ASTN2: variants seen among roughly 807,000 people sequenced by gnomAD.
The protein encoded by ASTN2 is astrotactin-2.
In ASTN2, 54 loss-of-function variants were observed where a neutral mutation model predicts 139.8. The observed-to-expected ratio is 0.39, with a 90% confidence interval of 0.31 to 0.48. The LOEUF is 0.48. ASTN2 is among the 20% of genes least tolerant of loss of function. The pLI, the probability that ASTN2 is intolerant of heterozygous loss-of-function variation, is 0.95. For synonymous variants in ASTN2, 756 were observed against 719.5 expected, an observed-to-expected ratio of 1.05 and a Z score of -0.81; for missense variants, 1,565 against 1,725.1, an observed-to-expected ratio of 0.91 and a Z score of 1.64.
At chr9:116,855,133 G>C (rs1160703918) in intron 11 of ASTN2, among the ~76,000 whole-genome samples, 1 of 151,976 alleles carries the variant, frequency 6.6e-6, no homozygotes, top group Non-Finnish European at 1.5e-5. Flanking sequence ...AAAATAAGGG[G>C]AAAAATAGAG....
chr9:116,558,594 A>G (rs758726670), intron 19 of ASTN2, among the ~76,000 whole-genome samples: 2 of 152,096 alleles, frequency 1.3e-5, no homozygotes, highest in Non-Finnish European at 2.9e-5. Context: ...AGAGAAGTAG[A>G]CTCAAGCAGC....
intron 19 of ASTN2, among the ~76,000 whole-genome samples, chr9:116,506,222 A>G (rs1850103222): frequency 6.6e-6 from 1 of 152,132 alleles, no homozygotes; most frequent in South Asian, 2.1e-4. Context: ...AAACTCTGAG[A>G]GGCTGGCAAG....
intron 5 of ASTN2, among the ~76,000 whole-genome samples, chr9:117,067,365 T>C (rs1327388604): frequency 2.2e-5 from 3 of 134,092 alleles, no homozygotes; most frequent in Non-Finnish European, 3.3e-5. Flanking sequence ...CATTGATCTA[T>C]ATCTCTGTTT....
intron 7 of ASTN2, among the ~76,000 whole-genome samples, chr9:116,980,558 T>A (rs188263960): frequency 1.3e-5 from 2 of 152,260 alleles, no homozygotes; most frequent in Middle Eastern, 3.4e-3. Flanking sequence ...TTCTGTAAAA[T>A]GGAAGGTTGG....
intron 1 of ASTN2, among the ~76,000 whole-genome samples, chr9:117,327,238 G>C (rs1476362407): frequency 6.6e-6 from 1 of 152,104 alleles, no homozygotes; most frequent in Non-Finnish European, 1.5e-5. Flanking sequence ...TTCCCACCAG[G>C]CCATGGACTG....
intron 3 of ASTN2, chr9:117,180,812 C>T: frequency 6.5e-7 from 1 of 1,543,288 alleles, no homozygotes. Flanking sequence ...TCAAATTCAT[C>T]AACATTGAAC....
intron 1 of ASTN2, among the ~76,000 whole-genome samples, chr9:117,306,855 C>T (rs1220878704): frequency 6.6e-6 from 1 of 152,142 alleles, no homozygotes; most frequent in Admixed American, 6.5e-5. Flanking sequence ...ATAACCACCA[C>T]CCTAATTCCT....
chr9:117,285,491 G>A lies in ASTN2; in HGVS notation c.630+5835C>T, dbSNP rs899069161. On this transcript the variant is annotated intron_variant, in intron 2 of 22. Coordinates refer to ENST00000313400, the MANE Select transcript of ASTN2 (RefSeq NM_001365068.1). Reference sequence around the variant, plus strand: ...AAAAGTGTTATCCCAATATCACACCGATCCTCTAAACAAAGCTACTGAATA... The same window carrying A: ...AAAAGTGTTATCCCAATATCACACCAATCCTCTAAACAAAGCTACTGAATA... 9.2e-5 allele frequency among the ~76,000 whole-genome samples: 14 copies of A among 152,130 alleles called. No individual in the cohort carries two copies. The East Asian group carries it at 1.5e-3, about 17-fold the overall frequency.
chr9:116,780,900 C>T (rs934007015), intron 13 of ASTN2, among the ~76,000 whole-genome samples: 3 of 149,408 alleles, frequency 2.0e-5, no homozygotes, highest in African/African-American at 7.4e-5. Context: ...AGTGCAATGG[C>T]GCGATCTTGG....
At chr9:116,514,750 G>A (rs140034403) in intron 19 of ASTN2, among the ~76,000 whole-genome samples, 41 of 152,298 alleles carry the variant, frequency 2.7e-4, no homozygotes, top group African/African-American at 7.7e-4. Flanking sequence ...TCAGACTGCT[G>A]TGCAAGCAGT....
chr9:116,741,855 C>T (rs980953361), intron 13 of ASTN2, among the ~76,000 whole-genome samples: 1 of 152,202 alleles, frequency 6.6e-6, no homozygotes, highest in Non-Finnish European at 1.5e-5. Flanking sequence ...ATATGCTCTA[C>T]TTCTTAATTA....
intron 1 of ASTN2, among the ~76,000 whole-genome samples, chr9:117,373,119 G>A (rs1830030663): frequency 6.6e-6 from 1 of 152,032 alleles, no homozygotes; most frequent in South Asian, 2.1e-4. Flanking sequence ...TTATTATTGA[G>A]GGCTAAGTAT....
chr9:117,180,616 A>G, intron 3 of ASTN2: 1 of 1,244,866 alleles, frequency 8.0e-7, no homozygotes, highest in Non-Finnish European at 1.1e-6. Flanking sequence ...TAAACAACTG[A>G]TCTGGAGTAT....
intron 2 of ASTN2, among the ~76,000 whole-genome samples, chr9:117,257,348 A>G (rs1055749839): frequency 1.3e-5 from 2 of 152,244 alleles, no homozygotes; most frequent in Non-Finnish European, 2.9e-5. Flanking sequence ...TTCATGATCC[A>G]GCGCTAGAGA....
intron 10 of ASTN2, among the ~76,000 whole-genome samples, chr9:116,931,212 C>T (rs948348311): frequency 6.6e-6 from 1 of 152,216 alleles, no homozygotes; most frequent in Non-Finnish European, 1.5e-5. Flanking sequence ...GAGCCTTTAT[C>T]GCTAAGCCTC....
chr9:116,540,948 C>G (rs1564355897), intron 19 of ASTN2, among the ~76,000 whole-genome samples: 1 of 150,050 alleles, frequency 6.7e-6, no homozygotes, highest in African/African-American at 2.5e-5. Context: ...AAAATTTTTA[C>G]AAAAGTTTTT....
intron 13 of ASTN2, among the ~76,000 whole-genome samples, chr9:116,751,072 T>C (rs755304308): frequency 4.6e-5 from 7 of 152,128 alleles, no homozygotes; most frequent in Non-Finnish European, 1.0e-4. Flanking sequence ...ACTCCACTCA[T>C]AGAGAGAGGG....
intron 11 of ASTN2, among the ~76,000 whole-genome samples, chr9:116,822,395 AT>A: frequency 6.6e-6 from 1 of 152,140 alleles, no homozygotes; most frequent in Admixed American, 6.5e-5. Context: ...TCAATTTTCC[AT>A]GTGAGTGAAG....
At chr9:116,983,978 AT>A (rs764485172) in intron 7 of ASTN2, among the ~76,000 whole-genome samples, 9 of 152,194 alleles carry the variant, frequency 5.9e-5, no homozygotes, top group Non-Finnish European at 1.2e-4. Flanking sequence ...ATAAAATGTG[AT>A]TGATATGCAG....
Sources: gnomAD v4.1 joint callset for allele counts (sites outside exome capture counted in the v4.1 genomes callset) on GRCh38, gnomAD v4.1.1 for gene constraint, MANE v1.5 for transcripts, NCBI Gene and HGNC (gene_info 2026-07-23, HGNC 2026-07-21) for gene names.